PPP2R2C: variants seen among roughly 807,000 people sequenced by gnomAD.
The protein encoded by PPP2R2C is protein phosphatase 2 regulatory subunit Bgamma, also known as protein phosphatase 2, regulatory subunit B, gamma.
In PPP2R2C, 10 loss-of-function variants were observed where a neutral mutation model predicts 45.3. That is an observed-to-expected ratio of 0.22 (90% confidence interval 0.14 to 0.37). The LOEUF is 0.37. Ranked by LOEUF, PPP2R2C falls within the 10% of genes least tolerant of loss-of-function variation. PPP2R2C has a pLI of 1.00. For synonymous variants in PPP2R2C, 257 were observed against 245.4 expected, an observed-to-expected ratio of 1.05 and a Z score of -0.44; for missense variants, 308 against 619.7, an observed-to-expected ratio of 0.50 and a Z score of 5.34.
In PPP2R2C at chr4:6,322,026, C is replaced by T. The variant is rs536556290; in HGVS notation, c.*1276G>A. On this transcript the variant is annotated 3_prime_UTR_variant, in exon 9 of 9. Coordinates refer to ENST00000382599, the MANE Select transcript of PPP2R2C (RefSeq NM_020416.4). This position sits in a 1 kb window ranked among gnomAD's most constrained non-coding sequence, Gnocchi z 7.8. Reference sequence around the variant, plus strand: ...CCTGGGGAGGGCCACACTCCTGAAGCCACCAAGCAGAGCGAGGAGCTCCGG... The same window carrying T: ...CCTGGGGAGGGCCACACTCCTGAAGTCACCAAGCAGAGCGAGGAGCTCCGG... 7 of 152,296 alleles carry T rather than the reference C, an allele frequency of 4.6e-5. No individual in the cohort carries two copies. Among genetic ancestry groups the T allele is most frequent in the African/African-American group, 1.7e-4 (7 of 41,544 alleles). 9.4% of individuals were successfully genotyped at this position (152,296 alleles called of 1,614,324 possible).
intron 2 of PPP2R2C, among the ~76,000 whole-genome samples, chr4:6,479,423 C>T (rs1379892055): frequency 1.4e-5 from 2 of 147,606 alleles, no homozygotes; most frequent in African/African-American, 5.0e-5. Context: ...ACCCCACCCA[C>T]AACCCAGGTC....
intron 1 of PPP2R2C, among the ~76,000 whole-genome samples, chr4:6,444,265 G>C (rs1287006936): frequency 6.6e-6 from 1 of 152,198 alleles, no homozygotes; most frequent in African/African-American, 2.4e-5. Flanking sequence ...ATTACAGGAG[G>C]TCTGCTCCCG....
intron 1 of PPP2R2C, among the ~76,000 whole-genome samples, chr4:6,469,045 C>G (rs991121923): frequency 1.6e-5 from 2 of 128,690 alleles, no homozygotes; most frequent in African/African-American, 5.9e-5. Context: ...GCAGTTGAGC[C>G]CAGCCAAGAG....
chr4:6,538,197 C>A (rs1172739186), intron 1 of PPP2R2C, among the ~76,000 whole-genome samples: 1 of 152,150 alleles, frequency 6.6e-6, no homozygotes, highest in African/African-American at 2.4e-5. Flanking sequence ...CAACGGCCCA[C>A]TGAGGCGGGC....
chr4:6,541,343 T>G (rs979419685), intron 1 of PPP2R2C, among the ~76,000 whole-genome samples: 3 of 152,196 alleles, frequency 2.0e-5, no homozygotes, highest in African/African-American at 7.2e-5. Flanking sequence ...ACCTGAGGGT[T>G]GCAGCATTTG....
At chr4:6,470,446 T>C (rs1721807887) in intron 1 of PPP2R2C, among the ~76,000 whole-genome samples, 1 of 152,198 alleles carries the variant, frequency 6.6e-6, no homozygotes. Flanking sequence ...ATGTCCACCA[T>C]GGCGCTTTTT....
intron 3 of PPP2R2C, among the ~76,000 whole-genome samples, chr4:6,376,925 G>A (rs2109305224): frequency 6.6e-6 from 1 of 152,314 alleles, no homozygotes; most frequent in Non-Finnish European, 1.5e-5. Flanking sequence ...TGAGGTGCAT[G>A]GCGGGAGAAC....
rs1033702355 is a variant in PPP2R2C, at chr4:6,328,650, G to C, written c.1052+612C>G. On this transcript the variant is annotated intron_variant, in intron 8 of 8. Coordinates refer to ENST00000382599, the MANE Select transcript of PPP2R2C (RefSeq NM_020416.4). The surrounding 1 kb of genome is among the most constrained non-coding windows in gnomAD (Gnocchi z 4.4). The stretch of plus-strand genomic sequence containing the variant: ...CCCGCCCTGGGCTGAGCCCAGGCTA[G>C]GGAGACACAGGAACTCACTTCTGGC... Among the ~76,000 whole-genome samples, 3 of 152,210 alleles carry C rather than the reference G, an allele frequency of 2.0e-5. No individual in the cohort carries two copies. The highest frequency in any genetic ancestry group is 7.2e-5 in the African/African-American group (3 of 41,464).
chr4:6,456,984 G>T (rs1721075397), intron 1 of PPP2R2C, among the ~76,000 whole-genome samples: 1 of 152,136 alleles, frequency 6.6e-6, no homozygotes, highest in Admixed American at 6.5e-5. Context: ...AAGGCGGGCA[G>T]ATCACCTGAG....
chr4:6,468,963 C>T (rs1721719852), intron 1 of PPP2R2C, among the ~76,000 whole-genome samples: 1 of 151,600 alleles, frequency 6.6e-6, no homozygotes, highest in Admixed American at 6.6e-5. Context: ...ACACCCTGAC[C>T]CCATTCATGC....
At chr4:6,395,081 T>C (rs772390175) in intron 1 of PPP2R2C, among the ~76,000 whole-genome samples, 1 of 152,096 alleles carries the variant, frequency 6.6e-6, no homozygotes, top group Non-Finnish European at 1.5e-5. Context: ...GGATTTCCTG[T>C]CTTCATCTTG....
rs1223505731 is a variant in PPP2R2C at position 6,511,389 on chromosome 4, GGTGATGGTGGTGATGGTGGTGGTGACA to G, written c.49+23855_49+23881del. 1.8e-4 allele frequency among the ~76,000 whole-genome samples: 27 copies of G among 149,358 alleles called. 1 individual carries two copies. Among genetic ancestry groups the G allele is most frequent in the Admixed American group, 1.0e-3 (14 of 13,378 alleles). On this transcript the variant is annotated intron_variant, in intron 2 of 9. Coordinates refer to the PPP2R2C transcript ENST00000506140. ...TGGTGGTGGCGGTGATGGTGGTGAT[GGTGATGGTGGTGATGGTGGTGGTGACA>G]GTGATGGTGGTGATGGTGGTGGTGA...
intron 1 of PPP2R2C, among the ~76,000 whole-genome samples, chr4:6,562,440 G>A (rs536949787): frequency 6.8e-6 from 1 of 146,746 alleles, no homozygotes; most frequent in East Asian, 2.0e-4. Context: ...CCTATAATGG[G>A]GATAATGTGG....
chr4:6,437,316 G>A (rs1719940755), intron 1 of PPP2R2C, among the ~76,000 whole-genome samples: 1 of 152,198 alleles, frequency 6.6e-6, no homozygotes, highest in Non-Finnish European at 1.5e-5. Flanking sequence ...AAATACAACT[G>A]TAATTGCTCA....
chr4:6,364,204 A>G lies in PPP2R2C; in HGVS notation c.625+8319T>C, dbSNP rs1200825119. Among the ~76,000 whole-genome samples, 1 of 152,170 alleles carries G rather than the reference A, an allele frequency of 6.6e-6. No individual in the cohort carries two copies. The highest frequency in any genetic ancestry group is 1.5e-5 in the Non-Finnish European group (1 of 68,030). On this transcript the variant is annotated intron_variant, in intron 5 of 8. Coordinates refer to ENST00000382599, the MANE Select transcript of PPP2R2C (RefSeq NM_020416.4). The surrounding 1 kb of genome is among the most constrained non-coding windows in gnomAD (Gnocchi z 5.3). ...ACTGGTCAAGGAAGGCCTCTTTAAG[A>G]AGGTGTCCACTGAGTGGATGAGGAT...
chr4:6,477,520 A>G (rs1414241682), upstream of PPP2R2C, among the ~76,000 whole-genome samples: 1 of 151,848 alleles, frequency 6.6e-6, no homozygotes, highest in African/African-American at 2.4e-5. Flanking sequence ...AGGTCAGGAG[A>G]TCAAGACCAT....
rs112159993 is a variant in PPP2R2C, at chr4:6,349,720, T to G, written c.626-1710A>C. On this transcript the variant is annotated intron_variant, in intron 5 of 8. Coordinates refer to ENST00000382599, the MANE Select transcript of PPP2R2C (RefSeq NM_020416.4). ...AGTTGGAGACAAGCCTGACCAACAT[T>G]GCAAAACCCCATCTCTACTAAAAAA... is the stretch of plus-strand genomic sequence containing the variant. The G allele has an allele frequency of 1.5e-3, 1,014 of 680,204 alleles. 6 individuals are homozygous for G. The African/African-American group carries it at 0.019, about 13-fold the overall frequency. 42.1% of individuals were successfully genotyped at this position (680,204 alleles called of 1,614,324 possible).
At chr4:6,520,409 T>A (rs1723980737) in intron 2 of PPP2R2C, among the ~76,000 whole-genome samples, 1 of 152,164 alleles carries the variant, frequency 6.6e-6, no homozygotes, top group East Asian at 1.9e-4. Flanking sequence ...GGACAAGATC[T>A]CTCAGGCACT....
chr4:6,361,910 G>A (rs757367091), intron 5 of PPP2R2C, among the ~76,000 whole-genome samples: 7 of 152,246 alleles, frequency 4.6e-5, no homozygotes, highest in Non-Finnish European at 8.8e-5. Flanking sequence ...AGGTGCTCAT[G>A]TCAGAGATTT....
Sources: gnomAD v4.1 joint callset for allele counts (sites outside exome capture counted in the v4.1 genomes callset) on GRCh38, gnomAD v4.1.1 for gene constraint, Gnocchi (gnomAD v3.1) non-coding constraint, MANE v1.5 for transcripts, NCBI Gene and HGNC (gene_info 2026-07-23, HGNC 2026-07-21) for gene names.